Variants in PPFIBP2 observed in about 807,000 individuals in gnomAD.
PPFIBP2 encodes PPFIB scaffold protein 2.
Under a neutral mutation model 118.3 loss-of-function variants are expected in PPFIBP2, and 118 were observed. The observed-to-expected ratio is 1.00, with a 90% CI of 0.86 to 1.16. The LOEUF is 1.16. Ranked by LOEUF, PPFIBP2 falls within the 50% of genes most tolerant of loss-of-function variation. PPFIBP2 has a pLI of 0.00. For synonymous variants in PPFIBP2, 414 were observed against 397.4 expected, an observed-to-expected ratio of 1.04 and a Z score of -0.50; for missense variants, 1,195 against 1,073.1, an observed-to-expected ratio of 1.11 and a Z score of -1.59.
chr11:7,584,047 C>T (rs1238858826), intron 3 of PPFIBP2, among the ~76,000 whole-genome samples: 2 of 152,192 alleles, frequency 1.3e-5, no homozygotes, highest in African/African-American at 4.8e-5. Flanking sequence ...CATGTGCATA[C>T]AACTCTTTAT....
intron 17 of PPFIBP2, among the ~76,000 whole-genome samples, chr11:7,646,992 G>A (rs1236028972): frequency 6.6e-6 from 1 of 151,838 alleles, no homozygotes; most frequent in Non-Finnish European, 1.5e-5. Context: ...TAAGTTCCAG[G>A]CCTCGTAAAA....
At chr11:7,611,186 C>A (rs1187928094) in intron 6 of PPFIBP2, among the ~76,000 whole-genome samples, 1 of 152,180 alleles carries the variant, frequency 6.6e-6, no homozygotes, top group African/African-American at 2.4e-5. Flanking sequence ...CTTAATAGTT[C>A]TATGAACTTC....
At chr11:7,650,059 A>G (rs989483577) in intron 21 of PPFIBP2, among the ~76,000 whole-genome samples, 1 of 152,236 alleles carries the variant, frequency 6.6e-6, no homozygotes, top group Non-Finnish European at 1.5e-5. Flanking sequence ...CTACTTGTAG[A>G]TCCAAAATTA....
chr11:7,657,946 T>C (rs1201965096), downstream of PPFIBP2, among the ~76,000 whole-genome samples: 1 of 152,222 alleles, frequency 6.6e-6, no homozygotes, highest in African/African-American at 2.4e-5. Context: ...TCTGTGCTCC[T>C]AAGTTCCTCA....
chr11:7,656,800 T>G (rs1281870554), downstream of PPFIBP2: 1 of 1,289,798 alleles, frequency 7.8e-7, no homozygotes. Context: ...TGGAGATGAC[T>G]TTCTTCGTGG....
At chr11:7,636,844 A>G (rs1038047562) in intron 14 of PPFIBP2, among the ~76,000 whole-genome samples, 13 of 152,032 alleles carry the variant, frequency 8.6e-5, no homozygotes, top group African/African-American at 3.1e-4. Context: ...TCTCACCCAC[A>G]TACACCACCG....
chr11:7,628,371 G>A (rs1309166719), intron 9 of PPFIBP2, 25 bp downstream of exon 9: 6 of 1,607,426 alleles, frequency 3.7e-6, no homozygotes, highest in Admixed American at 1.7e-5. Flanking sequence ...GGGTAGCCCT[G>A]TCTTTTCCAT....
intron 1 of PPFIBP2, among the ~76,000 whole-genome samples, chr11:7,536,507 A>G (rs2134392137): frequency 6.6e-6 from 1 of 152,208 alleles, no homozygotes; most frequent in African/African-American, 2.4e-5. Context: ...GTGATGATCG[A>G]AGATTAGGGG....
chr11:7,665,750 C>A, the PPFIBP2 span: 1 of 1,344,034 alleles, frequency 7.4e-7, no homozygotes, highest in South Asian at 1.4e-5. Context: ...CCCAGGCTCA[C>A]TGCAGGGACC....
chr11:7,631,142 CTTAAA>C (rs1364186766), intron 11 of PPFIBP2, 114 bp downstream of exon 11: 1 of 790,260 alleles, frequency 1.3e-6, no homozygotes, highest in Non-Finnish European at 2.2e-6. Context: ...CAGGTGAATA[CTTAAA>C]TTAATATAGT....
At chr11:7,570,121 G>A (rs565742483) in intron 3 of PPFIBP2, among the ~76,000 whole-genome samples, 2 of 149,056 alleles carry the variant, frequency 1.3e-5, no homozygotes, top group South Asian at 4.4e-4. Flanking sequence ...TCTGAAAGGG[G>A]TGTCTCTACC....
chr11:7,568,026 C>T (rs572730136), intron 3 of PPFIBP2, among the ~76,000 whole-genome samples: 6 of 152,220 alleles, frequency 3.9e-5, no homozygotes, highest in African/African-American at 9.6e-5. Context: ...CACTGCCCAG[C>T]GCCTTCTCAT....
At chr11:7,543,613 C>T (rs1036826597) in intron 1 of PPFIBP2, among the ~76,000 whole-genome samples, 1 of 152,208 alleles carries the variant, frequency 6.6e-6, no homozygotes, top group Non-Finnish European at 1.5e-5. Context: ...TGTGAGCCTG[C>T]TCCAAACATC....
chr11:7,626,958 C>T (rs2135708319), intron 8 of PPFIBP2, among the ~76,000 whole-genome samples: 1 of 152,320 alleles, frequency 6.6e-6, no homozygotes, highest in South Asian at 2.1e-4. Flanking sequence ...TCAGTGTCCG[C>T]CCAAGCCACT....
At chr11:7,565,438 C>T in intron 2 of PPFIBP2, 115 bp from the exon 3 acceptor site, 1 of 1,082,468 alleles carries the variant, frequency 9.2e-7, no homozygotes, top group Non-Finnish European at 1.4e-6. Context: ...GCCCAGCTCA[C>T]CCCCAGCTTC....
At chr11:7,597,448 C>T in intron 4 of PPFIBP2, 112 bp from the exon 5 acceptor site, 9 of 1,536,660 alleles carry the variant, frequency 5.9e-6, no homozygotes, top group South Asian at 2.4e-5. Context: ...CAAAATCGTT[C>T]ACTGTGTGTA....
intron 10 of PPFIBP2, 67 bp downstream of exon 10, chr11:7,629,601 GC>G: frequency 8.1e-6 from 12 of 1,489,724 alleles, no homozygotes; most frequent in Non-Finnish European, 1.9e-6. Flanking sequence ...AAAGCCAGGG[GC>G]AGTTCTGCTA....
chr11:7,644,502 A>G (rs1203634571), intron 17 of PPFIBP2, among the ~76,000 whole-genome samples: 1 of 152,096 alleles, frequency 6.6e-6, no homozygotes, highest in African/African-American at 2.4e-5. Context: ...TGATCTACTG[A>G]CTGTATTGCC....
At chr11:7,653,817 T>TG, downstream of PPFIBP2, 2 of 1,191,038 alleles carry the variant, frequency 1.7e-6, no homozygotes, top group Admixed American at 3.6e-5. Flanking sequence ...TAGCTGGAAA[T>TG]GGAGTCCTAC....
Sources: gnomAD v4.1 joint callset for allele counts (sites outside exome capture counted in the v4.1 genomes callset) on GRCh38, gnomAD v4.1.1 for gene constraint, MANE v1.5 for transcripts, NCBI Gene and HGNC (gene_info 2026-07-23, HGNC 2026-07-21) for gene names.